SREBF2: variants seen among roughly 807,000 people sequenced by gnomAD.
SREBF2 encodes sterol regulatory element-binding protein 2.
SREBF2 carries 55 observed loss-of-function variants against 113.1 expected under a neutral mutation model. The ratio of observed to expected loss-of-function variants is 0.49; its 90% CI spans 0.39 to 0.61. The LOEUF (loss-of-function observed/expected upper bound fraction) is 0.61, where lower values mean the gene tolerates loss of function less well. SREBF2 is among the 20% of genes least tolerant of loss of function. The pLI, the probability that SREBF2 is intolerant of heterozygous loss-of-function variation, is 0.00. For synonymous variants in SREBF2, 593 were observed against 605.7 expected (o/e 0.98, Z 0.31); for missense variants, 1,349 against 1,487.4 (o/e 0.91, Z 1.53).
At chr22:41,847,475 A>G (rs1161957249) in intron 1 of SREBF2, among the ~76,000 whole-genome samples, 6 of 152,228 alleles carry the variant, frequency 3.9e-5, no homozygotes, top group Non-Finnish European at 1.5e-5. Context: ...GGGATGACAC[A>G]TCCTTCTCTG....
intron 9 of SREBF2, among the ~76,000 whole-genome samples, chr22:41,879,284 C>T (rs1432284957): frequency 6.6e-6 from 1 of 152,180 alleles, no homozygotes; most frequent in Non-Finnish European, 1.5e-5. Flanking sequence ...TGATTAGTGA[C>T]GTTGACTCAA....
At chr22:41,854,678 G>A (rs1446386308) in intron 1 of SREBF2, among the ~76,000 whole-genome samples, 4 of 151,438 alleles carry the variant, frequency 2.6e-5, no homozygotes, top group Admixed American at 6.6e-5. Context: ...AGACCAGCCT[G>A]GCCAACATGG....
At chr22:41,902,840 C>T in intron 16 of SREBF2, 130 bp from the exon 17 acceptor site, 1 of 1,029,014 alleles carries the variant, frequency 9.7e-7, no homozygotes. Flanking sequence ...GTTCACCAGA[C>T]TCTGGGGCTC....
At chr22:41,899,480 A>G (rs941734495) in intron 15 of SREBF2, 1 of 995,436 alleles carries the variant, frequency 1.0e-6, no homozygotes, top group African/African-American at 1.7e-5. Context: ...ACGAGGTCCT[A>G]TCCTTAGAGC....
chr22:41,869,736 C>T (rs191918048), intron 3 of SREBF2, among the ~76,000 whole-genome samples: 7 of 152,098 alleles, frequency 4.6e-5, no homozygotes, highest in African/African-American at 1.2e-4. Flanking sequence ...GCATCGATCT[C>T]GGCCTCCCAA....
At chr22:41,877,798 C>T (rs2077210420) in intron 8 of SREBF2, 144 bp from the exon 9 acceptor site, 2 of 915,090 alleles carry the variant, frequency 2.2e-6, no homozygotes, top group East Asian at 2.4e-5. Flanking sequence ...AGTCATTAGC[C>T]CTGTTTAGAT....
intron 1 of SREBF2, among the ~76,000 whole-genome samples, chr22:41,855,095 A>G (rs1817082029): frequency 6.6e-6 from 1 of 152,104 alleles, no homozygotes; most frequent in Non-Finnish European, 1.5e-5. Context: ...TTGAACTAAA[A>G]CATCATGAGC....
At chr22:41,861,653 T>C (rs1328293509) in intron 1 of SREBF2, among the ~76,000 whole-genome samples, 1 of 152,228 alleles carries the variant, frequency 6.6e-6, no homozygotes, top group Non-Finnish European at 1.5e-5. Context: ...CCAGGCGCAG[T>C]GGCTCACACC....
rs947580347 is a variant in SREBF2 at position 41,882,603 on chromosome 22, C to G, written c.2038+1611C>G. 3.3e-5 allele frequency among the ~76,000 whole-genome samples: 5 copies of G among 152,106 alleles called. No homozygotes were observed. The East Asian group carries it at 5.8e-4, about 18-fold the overall frequency. ...GGTGGATCACCTGAGGTCAGGAGTT[C>G]GAGACCTGCCTGGCCAACATGGCAA... On this transcript the variant is annotated intron_variant, in intron 10 of 18. Coordinates refer to ENST00000361204, the MANE Select transcript of SREBF2 (RefSeq NM_004599.4).
intron 1 of SREBF2, among the ~76,000 whole-genome samples, chr22:41,853,950 G>C (rs2076954564): frequency 6.6e-6 from 1 of 151,282 alleles, no homozygotes; most frequent in Non-Finnish European, 1.5e-5. Context: ...CAGGAGAATG[G>C]CGTGAACCCG....
rs139864441 is a variant in SREBF2, at chr22:41,877,265, G to C, written c.1423G>C (p.Gly475Arg). Residue 475 changes from glycine (G) to arginine (R), a missense_variant, in exon 8 of 19, where the codon GGC becomes CGC. Physicochemically the swap from Gly to Arg is moderately radical, Grantham distance 125. Coordinates refer to ENST00000361204, the MANE Select transcript of SREBF2 (RefSeq NM_004599.4). ...DEPDSPPVALGMVDRSRILLC... is the reference protein window; with the variant it reads ...DEPDSPPVALRMVDRSRILLC... ...GCCAGACTCTCCTCCTGTGGCGCTG[G>C]GCATGGTAGACCGCTCACGGATTCT... 9.9e-6 allele frequency: 16 copies of C among 1,614,184 alleles called. No individual in the cohort carries two copies. The highest frequency in any genetic ancestry group is 1.4e-5 in the Non-Finnish European group (16 of 1,180,046).
intron 1 of SREBF2, among the ~76,000 whole-genome samples, chr22:41,844,065 C>T (rs2223261): frequency 0.016 from 2,305 of 145,968 alleles, 72 homozygotes; most frequent in African/African-American, 0.048. Context: ...CACACACACA[C>T]GTATATGTAT....
chr22:41,898,766 C>T lies in SREBF2; in HGVS notation c.2723C>T (p.Ala908Val), dbSNP rs745835083. 1 of 1,614,042 alleles carries T rather than the reference C, an allele frequency of 6.2e-7. No homozygotes were observed. The change falls in exon 15 of 19, where the codon GCC (alanine) becomes GTC (valine). Residue 908 changes from alanine (A) to valine (V), a missense_variant. Ala to Val is a moderately conservative substitution (Grantham distance 64). This residue lies in a region of SREBF2 where 650 missense variants were observed against 644.1 expected (regional missense o/e 1.01). Coordinates refer to ENST00000361204, the MANE Select transcript of SREBF2 (RefSeq NM_004599.4). ...HFTKVERIPK[A>V]LEVTESPLVK... The stretch of plus-strand genomic sequence containing the variant: ...ACCAAAGTGGAACGCATCCCCAAGG[C>T]CCTGGAAGTGACAGAGTGCGTAACC...
chr22:41,905,783 G>T lies in SREBF2; in HGVS notation c.*123G>T. 1 of 1,116,374 alleles carries T rather than the reference G, an allele frequency of 9.0e-7. No individual in the cohort carries two copies. Among genetic ancestry groups the T allele is most frequent in the South Asian group, 1.3e-5 (1 of 74,574 alleles). The allele number at this position is 1,116,374 out of a possible 1,614,324, so 69.2% of individuals were successfully genotyped here. A position where few individuals can be genotyped will look rare whatever the true frequency, so the allele number is the denominator to read the frequency against. On this transcript the variant is annotated 3_prime_UTR_variant, in exon 19 of 19. Transcript: ENST00000361204. ...TTAGCTGTCACCTGCCGAGGCTTCTGGGCCACTCAGGCCAGTGCACCCCTG... is the reference window on the plus strand; with the variant it reads ...TTAGCTGTCACCTGCCGAGGCTTCTTGGCCACTCAGGCCAGTGCACCCCTG...
intron 7 of SREBF2, among the ~76,000 whole-genome samples, 178 bp downstream of exon 7, chr22:41,875,902 C>T (rs781015094): frequency 2.0e-5 from 3 of 152,248 alleles, no homozygotes; most frequent in African/African-American, 4.8e-5. Flanking sequence ...AAACTGACTC[C>T]GGGGGGAAAC....
At chr22:41,853,895 C>T (rs2076953830) in intron 1 of SREBF2, among the ~76,000 whole-genome samples, 1 of 151,736 alleles carries the variant, frequency 6.6e-6, no homozygotes, top group South Asian at 2.1e-4. Context: ...ATTAGCTGGG[C>T]GTGGTGGCGG....
chr22:41,846,961 C>T (rs1015141146), intron 1 of SREBF2, among the ~76,000 whole-genome samples: 2 of 152,160 alleles, frequency 1.3e-5, no homozygotes, highest in African/African-American at 2.4e-5. Context: ...TTGCCCTGTG[C>T]GGAGTTCCAC....
At chr22:41,856,205 C>A (rs1356727581) in intron 1 of SREBF2, among the ~76,000 whole-genome samples, 1 of 151,914 alleles carries the variant, frequency 6.6e-6, no homozygotes. Context: ...CTGCTCACTG[C>A]AACCTTCACC....
chr22:41,857,658 T>C (rs1383240656), intron 1 of SREBF2, among the ~76,000 whole-genome samples: 4 of 152,214 alleles, frequency 2.6e-5, no homozygotes, highest in South Asian at 2.1e-4. Context: ...GCTTAAAATA[T>C]AGGATGCTTG....
Sources: allele counts gnomAD v4.1 joint callset (sites outside exome capture counted in the v4.1 genomes callset), GRCh38; gene constraint gnomAD v4.1.1; regional missense constraint gnomAD v4.1.1; transcripts MANE v1.5; gene names NCBI Gene and HGNC (gene_info 2026-07-23, HGNC 2026-07-21).